RPSA: variants seen among roughly 807,000 people sequenced by gnomAD.
RPSA encodes the protein small ribosomal subunit protein uS2.
For synonymous variants in RPSA, 103 were observed against 126.7 expected (o/e 0.81, Z 1.25); for missense variants, 140 against 372.8 (o/e 0.38, Z 5.14).
intron 4 of RPSA, chr3:39,411,269 C>T (rs1435482885): frequency 1.0e-5 from 7 of 696,656 alleles, no homozygotes; most frequent in African/African-American, 3.5e-5. Flanking sequence ...GTGTGTTCTT[C>T]TGCCTTTGTC....
intron 3 of RPSA, among the ~76,000 whole-genome samples, chr3:39,409,245 A>G (rs2041969241): frequency 1.2e-5 from 1 of 80,696 alleles, no homozygotes; most frequent in African/African-American, 3.6e-5. Flanking sequence ...CCTGTTGTCC[A>G]TCCTGGACTG....
chr3:39,411,051 TC>T (rs1559400116), intron 4 of RPSA, 52 bp downstream of exon 4: 1 of 1,590,812 alleles, frequency 6.3e-7, no homozygotes, highest in African/African-American at 1.3e-5. Flanking sequence ...GAAAAAACAT[TC>T]CTGTGCACAT....
chr3:39,409,162 G>A (rs1409710677), intron 3 of RPSA, among the ~76,000 whole-genome samples: 5 of 132,858 alleles, frequency 3.8e-5, no homozygotes, highest in African/African-American at 8.1e-5. Flanking sequence ...CATAGAAATC[G>A]CCCTTATGAC....
chr3:39,407,176 GT>G, intron 1 of RPSA: 1 of 351,942 alleles, frequency 2.8e-6, no homozygotes. Flanking sequence ...AGGTTCTCGG[GT>G]TTTTAGACAA....
chr3:39,408,213 C>G (rs1486312000), intron 2 of RPSA: 1 of 382,312 alleles, frequency 2.6e-6, no homozygotes, highest in Non-Finnish European at 5.0e-6. Context: ...AGAGATAAAG[C>G]TACCAAGGAC....
chr3:39,409,924 TC>T lies in RPSA; in HGVS notation c.253-829del, dbSNP rs1418847331. 3.3e-5 allele frequency among the ~76,000 whole-genome samples: 5 copies of T among 152,246 alleles called. No individual in the cohort carries two copies. The East Asian group carries it at 9.6e-4, about 29-fold the overall frequency. On this transcript the variant is annotated intron_variant, in intron 3 of 6. Coordinates refer to ENST00000301821, the MANE Select transcript of RPSA (RefSeq NM_002295.6). ...TGGTGGCTTGCTTGAGCCCAGAAGT[TC>T]GAGACCAGGGTGGGCAACGTGGCAA...
At chr3:39,407,593 A>G in intron 1 of RPSA, 28 bp from the exon 2 acceptor site, 1 of 1,553,552 alleles carries the variant, frequency 6.4e-7, no homozygotes, top group Non-Finnish European at 8.8e-7. Flanking sequence ...AATGGAATGA[A>G]AAGAAATAGG....
chr3:39,411,619 C>A, intron 4 of RPSA, 30 bp from the exon 5 acceptor site: 1 of 1,609,132 alleles, frequency 6.2e-7, no homozygotes, highest in South Asian at 1.1e-5. Flanking sequence ...GACCAAGTGT[C>A]ACTTTTTAAT....
intron 3 of RPSA, 126 bp downstream of exon 3, chr3:39,408,850 G>A: frequency 4.3e-6 from 3 of 701,886 alleles, no homozygotes; most frequent in Non-Finnish European, 5.2e-6. Flanking sequence ...TGTAATCCCA[G>A]CACTTTGGGA....
chr3:39,408,735 C>T lies in RPSA; in HGVS notation c.252+11C>T. On this transcript the variant is annotated intron_variant, in intron 3 of 6. Transcript: ENST00000301821. Reference sequence around the variant, plus strand: ...AGGAATACTGGCCAGGTTTGTGGAACAGTGGTTAGTTTTTATATTATAGAA... The same window carrying T: ...AGGAATACTGGCCAGGTTTGTGGAATAGTGGTTAGTTTTTATATTATAGAA... 7.6e-7 allele frequency: 1 copy of T among 1,310,970 alleles called. No individual in the cohort carries two copies. The highest frequency in any genetic ancestry group is 1.2e-5 in the South Asian group (1 of 84,956). 81.2% of individuals were successfully genotyped at this position (1,310,970 alleles called of 1,614,324 possible). A position where few individuals can be genotyped will look rare whatever the true frequency, so the allele number is the denominator to read the frequency against.
At chr3:39,409,705 T>C (rs182519464) in intron 3 of RPSA, among the ~76,000 whole-genome samples, 1 of 152,360 alleles carries the variant, frequency 6.6e-6, no homozygotes, top group Non-Finnish European at 1.5e-5. Context: ...CATGACGGCA[T>C]GCACCCATAG....
intron 3 of RPSA, 145 bp from the exon 4 acceptor site, chr3:39,410,609 T>G: frequency 1.2e-6 from 1 of 867,024 alleles, no homozygotes; most frequent in Non-Finnish European, 1.9e-6. Context: ...TCTGGAGAAG[T>G]AAGAGAGGTT....
intron 1 of RPSA, chr3:39,407,016 G>A (rs1447731216): frequency 2.2e-6 from 1 of 454,108 alleles, no homozygotes; most frequent in Non-Finnish European, 4.4e-6. Flanking sequence ...CCAGGCCGCG[G>A]GTGGGCGGGA....
Position 39,408,705 on chromosome 3 carries a change from C to G in RPSA, c.233C>G (p.Ser78Cys). 1 of 1,590,232 alleles carries G rather than the reference C, an allele frequency of 6.3e-7. No individual in the cohort carries two copies. The highest frequency in any genetic ancestry group is 8.6e-7 in the Non-Finnish European group (1 of 1,158,222). ...AACCCTGCTGATGTCAGTGTTATAT[C>G]CTCCAGGAATACTGGCCAGGTTTGT... Reference protein sequence around the residue: ...IENPADVSVISSRNTGQRAVL... With the variant: ...IENPADVSVICSRNTGQRAVL... Residue 78 changes from serine (S) to cysteine (C), a missense_variant, in exon 3 of 7, where the codon TCC becomes TGC. Ser to Cys is a moderately radical substitution (Grantham distance 112, BLOSUM62 -1). Transcript: ENST00000301821.
intron 3 of RPSA, chr3:39,410,445 CAGTT>C (rs1294120590): frequency 6.6e-5 from 26 of 393,540 alleles, no homozygotes; most frequent in Non-Finnish European, 9.6e-5. Flanking sequence ...AGAAAAAAGG[CAGTT>C]AGTTATTGCT....
At chr3:39,406,913 G>A (rs966816757) in intron 1 of RPSA, 149 bp downstream of exon 1, 9 of 455,062 alleles carry the variant, frequency 2.0e-5, no homozygotes, top group Non-Finnish European at 3.5e-5. Context: ...CCTGCGGCCC[G>A]CACGTGGCCA....
intron 3 of RPSA, among the ~76,000 whole-genome samples, chr3:39,410,081 C>G (rs2041983074): frequency 6.6e-6 from 1 of 152,176 alleles, no homozygotes; most frequent in Non-Finnish European, 1.5e-5. Flanking sequence ...CCAAGACTGT[C>G]CACTGCATCC....
At position 39,410,976 on chromosome 3, in the gene RPSA, A is replaced by G. The variant is rs757967867; in HGVS notation, c.475A>G (p.Ile159Val). The change falls in exon 4 of 7, where the codon ATT (isoleucine) becomes GTT (valine). Residue 159 changes from isoleucine (I) to valine (V), a missense_variant. Transcript: ENST00000301821. Reference sequence around the variant, plus strand: ...AGATTCTCCTCTGCGCTATGTGGACATTGCCATCCCATGCAACAACAAGGT... The same window carrying G: ...AGATTCTCCTCTGCGCTATGTGGACGTTGCCATCCCATGCAACAACAAGGT... ...NTDSPLRYVDIAIPCNNKGAH... is the reference protein window; with the variant it reads ...NTDSPLRYVDVAIPCNNKGAH... 5 of 1,599,576 alleles carry G rather than the reference A, an allele frequency of 3.1e-6. No homozygotes were observed. Among genetic ancestry groups the G allele is most frequent in the African/African-American group, 1.3e-5 (1 of 74,934 alleles).
intron 3 of RPSA, among the ~76,000 whole-genome samples, chr3:39,409,404 T>A (rs2041972511): frequency 6.6e-6 from 1 of 152,032 alleles, no homozygotes; most frequent in Non-Finnish European, 1.5e-5. Flanking sequence ...GTTTTACCAT[T>A]TGGCCAGGCT....
Sources: gnomAD v4.1 joint callset for allele counts (sites outside exome capture counted in the v4.1 genomes callset) on GRCh38, gnomAD v4.1.1 for gene constraint, MANE v1.5 for transcripts, NCBI Gene and HGNC (gene_info 2026-07-23, HGNC 2026-07-21) for gene names.